ZNF875: variants seen among roughly 807,000 people sequenced by gnomAD.
ZNF875 encodes zinc finger protein 875, also known as HKR1, GLI-Kruppel zinc finger family member.
ZNF875 carries 14 observed loss-of-function variants against 11.2 expected under a neutral mutation model. The observed-to-expected ratio is 1.26, with a 90% CI of 0.83 to 1.96. ZNF875 has a LOEUF of 1.96. ZNF875 is among the 30% of genes most tolerant of loss of function. The pLI, the probability that ZNF875 is intolerant of heterozygous loss-of-function variation, is 0.00. For missense variants in ZNF875, 752 were observed against 760.4 expected (o/e 0.99, Z 0.13); for synonymous variants, 301 against 281.1 (o/e 1.07, Z -0.71).
intron 4 of ZNF875, among the ~76,000 whole-genome samples, chr19:37,355,090 A>G (rs1202400978): frequency 6.6e-6 from 1 of 152,186 alleles, no homozygotes; most frequent in East Asian, 1.9e-4. Context: ...GCTCTTTTGC[A>G]TGCATACCCT....
At chr19:37,324,545 C>G (rs1231447357) in intron 4 of ZNF875, among the ~76,000 whole-genome samples, 1 of 152,064 alleles carries the variant, frequency 6.6e-6, no homozygotes, top group Non-Finnish European at 1.5e-5. Context: ...AGGAGGAGTT[C>G]CTGTCAGAGA....
chr19:37,347,088 A>C, intron 2 of ZNF875, 102 bp from the exon 3 acceptor site: 1 of 1,534,264 alleles, frequency 6.5e-7, no homozygotes, highest in Non-Finnish European at 9.0e-7. Flanking sequence ...AAGTGCTGGG[A>C]TTACAGGCAT....
At chr19:37,315,059 G>C (rs777243784), upstream of ZNF875, 1 of 151,522 alleles carries the variant, frequency 6.6e-6, no homozygotes, top group African/African-American at 2.4e-5. Flanking sequence ...CCCTAACCCC[G>C]GGCCACCACT....
At chr19:37,360,749 G>A (rs2039759123) in intron 4 of ZNF875, among the ~76,000 whole-genome samples, 1 of 151,902 alleles carries the variant, frequency 6.6e-6, no homozygotes, top group East Asian at 1.9e-4. Context: ...TCCCACCTCA[G>A]CCTCCTTAAG....
chr19:37,355,242 T>G (rs1003318544), intron 4 of ZNF875, among the ~76,000 whole-genome samples: 3 of 152,184 alleles, frequency 2.0e-5, no homozygotes, highest in Non-Finnish European at 4.4e-5. Context: ...CAGGCTGGAG[T>G]GCAGTGGCAC....
At chr19:37,313,411 G>A (rs2030046147), upstream of ZNF875, 1 of 152,268 alleles carries the variant, frequency 6.6e-6, no homozygotes, top group Non-Finnish European at 1.5e-5. Flanking sequence ...CTGACACACA[G>A]ATCAGGATGT....
intron 4 of ZNF875, chr19:37,325,105 C>T (rs2032194597): frequency 6.6e-6 from 1 of 152,172 alleles, no homozygotes. Context: ...ATGATTTGTT[C>T]TGTGGAATGT....
upstream of ZNF875, among the ~76,000 whole-genome samples, chr19:37,329,739 C>A: frequency 6.6e-6 from 1 of 152,056 alleles, no homozygotes; most frequent in East Asian, 1.9e-4. Context: ...TGGTTTTTTC[C>A]CCCTCACATT....
chr19:37,361,907 T>C, intron 4 of ZNF875: 1 of 525,972 alleles, frequency 1.9e-6, no homozygotes. Flanking sequence ...AAAGAAAGAC[T>C]CCGTTTAAAA....
chr19:37,314,874 T>C (rs1234081208), upstream of ZNF875: 2 of 152,158 alleles, frequency 1.3e-5, no homozygotes, highest in Admixed American at 1.3e-4. Flanking sequence ...ACTATTTTTT[T>C]TTGAAGTTTT....
intron 4 of ZNF875, among the ~76,000 whole-genome samples, chr19:37,361,514 T>A (rs1388351644): frequency 6.6e-6 from 1 of 152,130 alleles, no homozygotes; most frequent in East Asian, 1.9e-4. Context: ...TCTCCCTCTT[T>A]TGAATTCAAC....
chr19:37,356,638 C>CTG (rs1395752979), intron 4 of ZNF875, among the ~76,000 whole-genome samples: 2 of 152,098 alleles, frequency 1.3e-5, no homozygotes, highest in Non-Finnish European at 2.9e-5. Flanking sequence ...TGAGAAGTAT[C>CTG]TGTTTATGTC....
chr19:37,327,705 A>C (rs993237580), intron 4 of ZNF875, among the ~76,000 whole-genome samples: 2 of 150,204 alleles, frequency 1.3e-5, no homozygotes, highest in African/African-American at 4.9e-5. Flanking sequence ...CAGAGGTTGC[A>C]GTGAGCCGTG....
At chr19:37,362,003 C>A in intron 4 of ZNF875, 106 bp from the exon 5 acceptor site, 1 of 692,452 alleles carries the variant, frequency 1.4e-6, no homozygotes, top group Non-Finnish European at 2.6e-6. Context: ...TGGGAGATAG[C>A]TTGTGATGTA....
chr19:37,319,505 G>T (rs1202079479), intron 1 of ZNF875, among the ~76,000 whole-genome samples: 1 of 151,828 alleles, frequency 6.6e-6, no homozygotes, highest in African/African-American at 2.4e-5. Flanking sequence ...GAAGTGTGAA[G>T]ATTTGGTGCT....
intron 4 of ZNF875, among the ~76,000 whole-genome samples, chr19:37,327,815 TA>T (rs1353987547): frequency 6.6e-6 from 1 of 151,834 alleles, no homozygotes; most frequent in Admixed American, 6.6e-5. Flanking sequence ...AATTTATTTT[TA>T]CAAATTTCTA....
intron 4 of ZNF875, among the ~76,000 whole-genome samples, chr19:37,355,525 G>A (rs568341201): frequency 2.1e-4 from 32 of 152,236 alleles, no homozygotes; most frequent in Non-Finnish European, 4.0e-4. Flanking sequence ...TAAGAATGTC[G>A]ATATTGTCTC....
At chr19:37,317,678 T>A (rs1455638304), upstream of ZNF875, among the ~76,000 whole-genome samples, 2 of 152,130 alleles carry the variant, frequency 1.3e-5, no homozygotes, top group African/African-American at 4.8e-5. Context: ...CGCAAGAAAG[T>A]TTTTGCTGCG....
rs751673317 is a variant in ZNF875, at chr19:37,362,099, T to C, written c.257-10T>C. On this transcript the variant is annotated splice_polypyrimidine_tract_variant and intron_variant, in intron 4 of 4. Coordinates refer to ENST00000392153, the MANE Select transcript of ZNF875 (RefSeq NM_001353803.2). Reference sequence around the variant, plus strand: ...CTATGGCCCCTCTGAAAATGTTCTTTCTTCAGCAGAATCGAAGCCAGAAAT... The same window carrying C: ...CTATGGCCCCTCTGAAAATGTTCTTCCTTCAGCAGAATCGAAGCCAGAAAT... The C allele has an allele frequency of 3.1e-6, 5 of 1,600,958 alleles. No individual in the cohort carries two copies. The Admixed American group carries it at 6.8e-5, about 22-fold the overall frequency.
Sources: gnomAD v4.1 joint callset for allele counts (sites outside exome capture counted in the v4.1 genomes callset) on GRCh38, gnomAD v4.1.1 for gene constraint, MANE v1.5 for transcripts, NCBI Gene and HGNC (gene_info 2026-07-23, HGNC 2026-07-21) for gene names.